SIK3: variants seen among roughly 807,000 people sequenced by gnomAD.
SIK3 encodes SIK family kinase 3, also known as serine/threonine-protein kinase SIK3.
A neutral mutation model predicts 144.2 loss-of-function variants in SIK3; 28 were observed. The ratio of observed to expected loss-of-function variants is 0.19; its 90% CI spans 0.14 to 0.27. SIK3 has a LOEUF of 0.27. Ranked by LOEUF, SIK3 falls within the 10% of genes least tolerant of loss-of-function variation. The pLI is 1.00. For missense variants in SIK3, 1,319 were observed against 1,776.0 expected, an observed-to-expected ratio of 0.74 and a Z score of 4.62; for synonymous variants, 686 against 676.3, an observed-to-expected ratio of 1.01 and a Z score of -0.22.
Position 116,874,071 on chromosome 11 carries a change from A to T in SIK3, c.1428-15T>A. The stretch of plus-strand genomic sequence containing the variant: ...TAACTTCCGTGCTGATACAAAACAG[A>T]ATGACAGAGAAGTTTAGTTAACATT... On this transcript the variant is annotated splice_polypyrimidine_tract_variant and intron_variant, in intron 11 of 24. Transcript: ENST00000445177. 1 of 1,612,430 alleles carries T rather than the reference A, an allele frequency of 6.2e-7. No individual in the cohort carries two copies. Among genetic ancestry groups the T allele is most frequent in the Admixed American group, 1.7e-5 (1 of 59,486 alleles).
chr11:116,937,619 A>C (rs1438955392), intron 3 of SIK3, among the ~76,000 whole-genome samples: 1 of 152,232 alleles, frequency 6.6e-6, no homozygotes, highest in East Asian at 1.9e-4. Flanking sequence ...GTTTTCAATC[A>C]ATCAGTCTCT....
chr11:117,027,000 G>A (rs376454181), intron 1 of SIK3, among the ~76,000 whole-genome samples: 42 of 152,248 alleles, frequency 2.8e-4, no homozygotes, highest in Admixed American at 1.3e-3. Flanking sequence ...TACTTCTTAC[G>A]GAAAACTTGG....
At chr11:117,052,041 C>T (rs1953270939) in intron 1 of SIK3, among the ~76,000 whole-genome samples, 1 of 151,906 alleles carries the variant, frequency 6.6e-6, no homozygotes, top group Non-Finnish European at 1.5e-5. Flanking sequence ...ACTCAGGAGG[C>T]TGAGGCAGGA....
intron 1 of SIK3, among the ~76,000 whole-genome samples, chr11:116,998,470 TAAAAAAA>T (rs59998385): frequency 1.5e-5 from 2 of 136,406 alleles, no homozygotes; most frequent in African/African-American, 2.7e-5. Context: ...GACTCCGTCT[TAAAAAAA>T]AAAAAAAAAA....
chr11:116,934,725 G>A (rs79207844), intron 3 of SIK3, among the ~76,000 whole-genome samples: 10,629 of 150,854 alleles, frequency 0.07, 466 homozygotes, highest in Middle Eastern at 0.11. Context: ...TATAATCCCC[G>A]CACTTAAAGA....
intron 1 of SIK3, among the ~76,000 whole-genome samples, chr11:117,024,364 CTAA>C (rs1951923671): frequency 1.4e-5 from 2 of 147,634 alleles, no homozygotes; most frequent in Non-Finnish European, 3.0e-5. Flanking sequence ...CATAAATATA[CTAA>C]TAATAACACA....
At chr11:116,862,746 G>C (rs1196096660) in intron 16 of SIK3, among the ~76,000 whole-genome samples, 1 of 152,166 alleles carries the variant, frequency 6.6e-6, no homozygotes, top group African/African-American at 2.4e-5. Context: ...ACAATGTACA[G>C]CAGGTTTAAT....
At chr11:116,887,067 T>G (rs768383891) in intron 6 of SIK3, among the ~76,000 whole-genome samples, 8 of 152,088 alleles carry the variant, frequency 5.3e-5, no homozygotes, top group Non-Finnish European at 1.2e-4. Context: ...CACCTAAAAG[T>G]CATTTGACTT....
At chr11:116,944,752 C>T (rs899313892) in intron 3 of SIK3, among the ~76,000 whole-genome samples, 4 of 152,180 alleles carry the variant, frequency 2.6e-5, no homozygotes, top group Non-Finnish European at 5.9e-5. Flanking sequence ...ATCCTTCTAG[C>T]TATTTATCAA....
chr11:116,894,996 TTCA>T, intron 6 of SIK3, among the ~76,000 whole-genome samples: 1 of 152,342 alleles, frequency 6.6e-6, no homozygotes, highest in South Asian at 2.1e-4. Flanking sequence ...TTTGAAATTT[TTCA>T]TCATAAAATT....
chr11:116,922,872 G>C (rs940921928), intron 4 of SIK3, among the ~76,000 whole-genome samples: 1 of 146,342 alleles, frequency 6.8e-6, no homozygotes, highest in African/African-American at 2.5e-5. Flanking sequence ...TTTTAAAGAT[G>C]AGCTGCTTAC....
In SIK3 at chr11:116,896,437, T is replaced by C. The variant is rs762727012; in HGVS notation, c.742-61A>G. ...CATCAGGGGAAACAAAAAAGACTAC[T>C]GTAGTGTGTGTATGCAGATGATGGT... On this transcript the variant is annotated intron_variant, in intron 5 of 24. Coordinates refer to ENST00000445177, the MANE Select transcript of SIK3 (RefSeq NM_001366686.3). The C allele has an allele frequency of 3.3e-4, 518 of 1,568,582 alleles. 2 individuals carry two copies. Among genetic ancestry groups the C allele is most frequent in the Non-Finnish European group, 8.2e-5 (94 of 1,148,576 alleles).
intron 13 of SIK3, among the ~76,000 whole-genome samples, chr11:116,871,378 G>A (rs1033908013): frequency 1.3e-5 from 2 of 152,244 alleles, no homozygotes; most frequent in Non-Finnish European, 2.9e-5. Context: ...CTACAAGGGT[G>A]GAGTGAACAG....
In SIK3 at chr11:116,843,737, C is replaced by T. The variant is rs1201500567; in HGVS notation, c.*1906G>A. ...CAGGTTGGGGGCATAAGAGTTGGAA[C>T]AAGCGCAGATAAGTCAACAGCTTTT... On this transcript the variant is annotated 3_prime_UTR_variant, in exon 25 of 25. Coordinates refer to ENST00000445177, the MANE Select transcript of SIK3 (RefSeq NM_001366686.3). 1 of 152,234 alleles carries T rather than the reference C, an allele frequency of 6.6e-6. No individual in the cohort carries two copies. The highest frequency in any genetic ancestry group is 1.9e-4 in the East Asian group (1 of 5,188). The allele number at this position is 152,234 out of a possible 1,614,324, so 9.4% of individuals were successfully genotyped here.
chr11:116,863,191 G>A (rs1357186417), intron 16 of SIK3, among the ~76,000 whole-genome samples: 1 of 152,180 alleles, frequency 6.6e-6, no homozygotes, highest in African/African-American at 2.4e-5. Context: ...ACAGGGGAAG[G>A]AAGTTTGATC....
chr11:116,967,685 A>G (rs1949608765), intron 1 of SIK3, among the ~76,000 whole-genome samples: 1 of 152,204 alleles, frequency 6.6e-6, no homozygotes, highest in African/African-American at 2.4e-5. Flanking sequence ...TGAAAGTCTC[A>G]CTTGTAATGC....
chr11:116,858,448 T>C lies in SIK3; in HGVS notation c.3017A>G (p.Asp1006Gly), dbSNP rs1229649280. ...QQALLSPTPP[D>G]YTRHQQVPHI... The stretch of plus-strand genomic sequence containing the variant: ...GGGTACCTGCTGGTGTCTTGTATAG[T>C]CTGGCGGCGTGGGAGACAGCAGGGC... Residue 1006 changes from aspartate to glycine, a missense_variant, in exon 21 of 25, where the codon GAC (aspartate) becomes GGC (glycine). By Grantham distance (94) the Asp-to-Gly change is moderately conservative (BLOSUM62 -1). Coordinates refer to ENST00000445177, the MANE Select transcript of SIK3 (RefSeq NM_001366686.3). The surrounding 1 kb of genome is among the most constrained non-coding windows in gnomAD (Gnocchi z 5.4). 6.2e-7 allele frequency: 1 copy of C among 1,605,614 alleles called. No individual in the cohort carries two copies. Among genetic ancestry groups the C allele is most frequent in the Admixed American group, 1.7e-5 (1 of 59,584 alleles).
chr11:117,051,082 T>G (rs1462334943), intron 1 of SIK3, among the ~76,000 whole-genome samples: 1 of 152,192 alleles, frequency 6.6e-6, no homozygotes, highest in Non-Finnish European at 1.5e-5. Flanking sequence ...CCAATGAGGG[T>G]GGGCGTCATA....
intron 1 of SIK3, among the ~76,000 whole-genome samples, chr11:116,969,501 T>C (rs1591449433): frequency 6.6e-6 from 1 of 152,022 alleles, no homozygotes; most frequent in African/African-American, 2.4e-5. Context: ...TAAAAGTCTT[T>C]GTGCAACTTT....
Sources: allele counts gnomAD v4.1 joint callset (sites outside exome capture counted in the v4.1 genomes callset), GRCh38; gene constraint gnomAD v4.1.1; non-coding constraint Gnocchi (gnomAD v3.1); transcripts MANE v1.5; gene names NCBI Gene and HGNC (gene_info 2026-07-23, HGNC 2026-07-21).